FOXO3: variants seen among roughly 807,000 people sequenced by gnomAD.
FOXO3 encodes the protein forkhead box O3, also known as forkhead box protein O3.
Under a neutral mutation model 41.9 loss-of-function variants are expected in FOXO3, and 4 were observed. The observed-to-expected ratio is 0.10, with a 90% CI of 0.05 to 0.22. The LOEUF is 0.22. Ranked by LOEUF, FOXO3 falls within the 10% of genes least tolerant of loss-of-function variation. The pLI is 1.00. For synonymous variants in FOXO3, 318 were observed against 389.3 expected (o/e 0.82, Z 2.16); for missense variants, 534 against 906.8 (o/e 0.59, Z 5.28).
At chr6:108,594,570 G>A (rs1776824273) in intron 1 of FOXO3, among the ~76,000 whole-genome samples, 1 of 151,978 alleles carries the variant, frequency 6.6e-6, no homozygotes, top group South Asian at 2.1e-4. Context: ...TTTACCTCCC[G>A]CTAATGCTTC....
At chr6:108,627,608 G>A (rs529285778) in intron 1 of FOXO3, among the ~76,000 whole-genome samples, 2 of 152,182 alleles carry the variant, frequency 1.3e-5, no homozygotes, top group East Asian at 3.9e-4. Flanking sequence ...CCTTGCAGAG[G>A]TGTTCAGTAT....
intron 2 of FOXO3, among the ~76,000 whole-genome samples, chr6:108,673,768 A>G (rs1582840024): frequency 6.6e-6 from 1 of 152,062 alleles, no homozygotes; most frequent in East Asian, 1.9e-4. Context: ...CCCCCCACAT[A>G]CACACACCCC....
At chr6:108,637,003 G>C (rs1301517696) in intron 1 of FOXO3, among the ~76,000 whole-genome samples, 1 of 152,188 alleles carries the variant, frequency 6.6e-6, no homozygotes, top group Non-Finnish European at 1.5e-5. Flanking sequence ...GAATGGACTG[G>C]GAGAGATGCA....
At chr6:108,653,065 G>T (rs1193321387) in intron 1 of FOXO3, among the ~76,000 whole-genome samples, 1 of 152,132 alleles carries the variant, frequency 6.6e-6, no homozygotes, top group African/African-American at 2.4e-5. Context: ...TTGGAAATTG[G>T]GCTGTTTAAT....
intron 1 of FOXO3, among the ~76,000 whole-genome samples, chr6:108,610,030 T>TATGC (rs1437399451): frequency 6.6e-6 from 1 of 152,210 alleles, no homozygotes; most frequent in Non-Finnish European, 1.5e-5. Flanking sequence ...TTTGGCCATA[T>TATGC]ATGCATGCAT....
chr6:108,623,796 TC>T (rs777162115), intron 1 of FOXO3, among the ~76,000 whole-genome samples: 23 of 152,230 alleles, frequency 1.5e-4, no homozygotes, highest in Admixed American at 6.5e-4. Flanking sequence ...GCCTTCCTCC[TC>T]TTATAATGCT....
At chr6:108,611,108 G>C (rs548984635) in intron 1 of FOXO3, among the ~76,000 whole-genome samples, 1 of 152,002 alleles carries the variant, frequency 6.6e-6, no homozygotes, top group East Asian at 1.9e-4. Flanking sequence ...ATTACTGTAT[G>C]TAGCCCTTTG....
chr6:108,603,636 A>C (rs1777114345), intron 1 of FOXO3, among the ~76,000 whole-genome samples: 1 of 152,196 alleles, frequency 6.6e-6, no homozygotes, highest in Non-Finnish European at 1.5e-5. Context: ...TATTAAATAT[A>C]ACCTGATTTC....
At chr6:108,582,719 T>A (rs1776466112) in intron 1 of FOXO3, among the ~76,000 whole-genome samples, 1 of 152,006 alleles carries the variant, frequency 6.6e-6, no homozygotes, top group African/African-American at 2.4e-5. Context: ...TGTGTAGCTG[T>A]ATATTAAGAT....
chr6:108,678,738 CA>C, intron 2 of FOXO3, among the ~76,000 whole-genome samples: 1 of 151,840 alleles, frequency 6.6e-6, no homozygotes, highest in Non-Finnish European at 1.5e-5. Flanking sequence ...ATACAAAAAT[CA>C]AATTCCTAAG....
chr6:108,632,276 A>G lies in FOXO3; in HGVS notation c.622-31179A>G, dbSNP rs559919732. Among the ~76,000 whole-genome samples, 8 of 152,304 alleles carry G rather than the reference A, an allele frequency of 5.3e-5. No homozygotes were observed. The East Asian group carries it at 9.6e-4, about 18-fold the overall frequency. ...ATTTGTTTTTGGAAGCAGACCATGA[A>G]CAACAGCATGACAGAGGATAAGTAA... On this transcript the variant is annotated intron_variant, in intron 1 of 2. Transcript: ENST00000406360.
intron 1 of FOXO3, among the ~76,000 whole-genome samples, chr6:108,603,032 T>C (rs1777096853): frequency 6.6e-6 from 1 of 152,194 alleles, no homozygotes; most frequent in Non-Finnish European, 1.5e-5. Flanking sequence ...AATTACTTTC[T>C]GGTGGAATAT....
chr6:108,647,112 C>A (rs946028323), intron 1 of FOXO3, among the ~76,000 whole-genome samples: 1 of 152,154 alleles, frequency 6.6e-6, no homozygotes, highest in African/African-American at 2.4e-5. Flanking sequence ...TTACTTTTTT[C>A]TGTTTTTAAA....
intron 1 of FOXO3, among the ~76,000 whole-genome samples, chr6:108,650,170 C>T (rs2128382254): frequency 6.6e-6 from 1 of 152,254 alleles, no homozygotes; most frequent in South Asian, 2.1e-4. Context: ...GTTATAAGGT[C>T]AGGGGTCCTG....
At chr6:108,562,999 T>G (rs1432649362) in intron 1 of FOXO3, among the ~76,000 whole-genome samples, 1 of 152,210 alleles carries the variant, frequency 6.6e-6, no homozygotes, top group African/African-American at 2.4e-5. Flanking sequence ...GCTTAGATTT[T>G]TTTTTGTTTT....
chr6:108,622,633 C>T (rs543385242), intron 1 of FOXO3, among the ~76,000 whole-genome samples: 6 of 152,144 alleles, frequency 3.9e-5, no homozygotes, highest in Non-Finnish European at 8.8e-5. Context: ...CAAATCCTGA[C>T]AGGAGCCTTT....
At chr6:108,572,220 A>AG (rs1195320118) in intron 1 of FOXO3, among the ~76,000 whole-genome samples, 1 of 152,000 alleles carries the variant, frequency 6.6e-6, no homozygotes, top group East Asian at 1.9e-4. Context: ...CTTTGAGGGG[A>AG]GGGGAGGGAG....
chr6:108,651,377 T>C (rs1371972491), intron 1 of FOXO3, among the ~76,000 whole-genome samples: 1 of 152,206 alleles, frequency 6.6e-6, no homozygotes, highest in Non-Finnish European at 1.5e-5. Context: ...CTTTTTCCTT[T>C]CCTAGCTGAA....
intron 1 of FOXO3, among the ~76,000 whole-genome samples, chr6:108,632,756 A>G (rs1001738728): frequency 1.2e-4 from 19 of 152,182 alleles, no homozygotes; most frequent in Admixed American, 5.2e-4. Context: ...AGCCAAGTAC[A>G]GTGTAGAAAA....
Sources: gnomAD v4.1 joint callset for allele counts (sites outside exome capture counted in the v4.1 genomes callset) on GRCh38, gnomAD v4.1.1 for gene constraint, MANE v1.5 for transcripts, NCBI Gene and HGNC (gene_info 2026-07-23, HGNC 2026-07-21) for gene names.